Variants in ZSCAN12 observed in about 807,000 individuals in gnomAD.
ZSCAN12 encodes the protein zinc finger and SCAN domain-containing protein 12.
Under a neutral mutation model 23.4 loss-of-function variants are expected in ZSCAN12, and 18 were observed. The ratio of observed to expected loss-of-function variants is 0.77; its 90% CI spans 0.53 to 1.14. The LOEUF (loss-of-function observed/expected upper bound fraction) is 1.14, where lower values mean the gene tolerates loss of function less well. Ranked by LOEUF, ZSCAN12 falls within the 50% of genes most tolerant of loss-of-function variation. The pLI is 0.00. For missense variants in ZSCAN12, 650 were observed against 735.0 expected, an observed-to-expected ratio of 0.88 and a Z score of 1.34; for synonymous variants, 186 against 253.4, an observed-to-expected ratio of 0.73 and a Z score of 2.53.
rs536608358 is a variant in ZSCAN12, at chr6:28,392,795, G to A, written c.547+107C>T. The A allele has an allele frequency of 1.8e-5, 23 of 1,259,008 alleles. No individual in the cohort carries two copies. The African/African-American group carries it at 2.3e-4, about 12-fold the overall frequency. 78.0% of individuals were successfully genotyped at this position (1,259,008 alleles called of 1,614,324 possible). A position where few individuals can be genotyped will look rare whatever the true frequency, so the allele number is the denominator to read the frequency against. On this transcript the variant is annotated intron_variant, in intron 3 of 3. Transcript: ENST00000684592. ...TATATGAGCCATCAGATTCTGAGAC[G>A]GCCTTTTTGACTTTAATGATCAGAA... is the stretch of plus-strand genomic sequence containing the variant.
intron 2 of ZSCAN12, 131 bp downstream of exon 2, chr6:28,397,873 G>A: frequency 8.6e-7 from 1 of 1,169,554 alleles, no homozygotes; most frequent in South Asian, 2.1e-5. Context: ...AACTTTCCGT[G>A]AAACTCATGC....
At chr6:28,393,586 TA>T (rs1391414203) in intron 2 of ZSCAN12, among the ~76,000 whole-genome samples, 1 of 150,668 alleles carries the variant, frequency 6.6e-6, no homozygotes, top group East Asian at 2.0e-4. Context: ...CCAAAAAAAT[TA>T]AAAATGATCT....
In ZSCAN12 at chr6:28,389,885, T is replaced by G. The variant is rs1760727108; in HGVS notation, c.*569A>C. ...GATGAAATTATTCACACTCTGGCCC[T>G]CTTATGTGTCTGTCCCCAAGCTGTT... is the stretch of plus-strand genomic sequence containing the variant. On this transcript the variant is annotated 3_prime_UTR_variant, in exon 4 of 4. Transcript: ENST00000684592. Among the ~76,000 whole-genome samples, 1 of 152,216 alleles carries G rather than the reference T, an allele frequency of 6.6e-6. No homozygotes were observed. The highest frequency in any genetic ancestry group is 2.1e-4 in the South Asian group (1 of 4,836).
intron 2 of ZSCAN12, among the ~76,000 whole-genome samples, chr6:28,396,025 T>G (rs1761090779): frequency 6.6e-6 from 1 of 151,530 alleles, no homozygotes; most frequent in Non-Finnish European, 1.5e-5. Flanking sequence ...GTTGATTTTT[T>G]TTTTTTTTTT....
Position 28,388,024 on chromosome 6 carries a change from G to C in ZSCAN12, c.*2430C>G, listed in dbSNP as rs1449250605. On this transcript the variant is annotated 3_prime_UTR_variant, in exon 4 of 4. Transcript: ENST00000684592. The stretch of plus-strand genomic sequence containing the variant: ...TTTGGCTTTGGAGCCGCAAGCAGCT[G>C]AACCTTGGTTTGGTTACAAGTTTGC... 1.3e-5 allele frequency among the ~76,000 whole-genome samples: 2 copies of C among 152,172 alleles called. No individual in the cohort carries two copies. Among genetic ancestry groups the C allele is most frequent in the Non-Finnish European group, 2.9e-5 (2 of 68,040 alleles).
rs1401224338 is a variant in ZSCAN12, at chr6:28,391,082, T to C, written c.1208A>G (p.Gln403Arg). Residue 403 changes from glutamine to arginine, a missense_variant, in exon 4 of 4, where the codon CAG becomes CGG. Gln to Arg is a conservative substitution (Grantham distance 43). Coordinates refer to ENST00000684592, the MANE Select transcript of ZSCAN12 (RefSeq NM_001163391.2). The surrounding 1 kb of genome is among the most constrained non-coding windows in gnomAD (Gnocchi z 4.1). ...GGCGCCGGTATGAACTCCTTGATGCTGAGTAAGTATGGAACGCCGACTAAA... is the reference window on the plus strand; with the variant it reads ...GGCGCCGGTATGAACTCCTTGATGCCGAGTAAGTATGGAACGCCGACTAAA... ...KSFSRRSILT[Q>R]HQGVHTGAKP... The C allele has an allele frequency of 1.3e-6, 2 of 1,552,572 alleles. No homozygotes were observed. The highest frequency in any genetic ancestry group is 1.7e-6 in the Non-Finnish European group (2 of 1,147,350).
chr6:28,382,958 G>A (rs1300912760), downstream of ZSCAN12, among the ~76,000 whole-genome samples: 1 of 95,002 alleles, frequency 1.1e-5, no homozygotes, highest in African/African-American at 5.8e-5. Context: ...CTGTATAAAC[G>A]GCAGAGATAA....
Position 28,390,383 on chromosome 6 carries a change from C to A in ZSCAN12, c.*71G>T. 7.7e-7 allele frequency: 1 copy of A among 1,296,890 alleles called. No homozygotes were observed. Among genetic ancestry groups the A allele is most frequent in the Non-Finnish European group, 1.0e-6 (1 of 964,032 alleles). The allele number at this position is 1,296,890 out of a possible 1,614,324, so 80.3% of individuals were successfully genotyped here. ...TATAACAATGGTGACTGAAGTTTTG[C>A]CCCAATAATTGTAAAGCTAAATAGT... On this transcript the variant is annotated 3_prime_UTR_variant, in exon 4 of 4. Coordinates refer to ENST00000684592, the MANE Select transcript of ZSCAN12 (RefSeq NM_001163391.2).
chr6:28,390,476 C>T lies in ZSCAN12; in HGVS notation c.1814G>A (p.Gly605Glu), dbSNP rs1340644666. 7 of 1,544,094 alleles carry T rather than the reference C, an allele frequency of 4.5e-6. No individual in the cohort carries two copies. The African/African-American group carries it at 5.5e-5, about 12-fold the overall frequency. Residue 605 changes from glycine to glutamate, a missense_variant, in exon 4 of 4, where the codon GGA becomes GAA. Coordinates refer to ENST00000684592, the MANE Select transcript of ZSCAN12 (RefSeq NM_001163391.2). Reference protein sequence around the residue: ...ALTQHQTIHKGEKSVSV With the variant: ...ALTQHQTIHKEEKSVSV ...TCATCACACAGAAACAGATTTTTCT[C>T]CTTTGTGGATAGTCTGATGTTGAGT...
intron 3 of ZSCAN12, 89 bp downstream of exon 3, chr6:28,392,813 G>A (rs939963908): frequency 7.1e-7 from 1 of 1,417,560 alleles, no homozygotes; most frequent in Admixed American, 2.4e-5. Context: ...TGACTTTAAT[G>A]ATCAGAAACA....
At chr6:28,379,495 G>A (rs1241747655) in exon 5 of ZSCAN12, 1 of 152,270 alleles carries the variant, frequency 6.6e-6, no homozygotes, top group Non-Finnish European at 1.5e-5. Context: ...AGCTACTCGG[G>A]AGACTGAGAC....
chr6:28,391,605 G>C lies in ZSCAN12; in HGVS notation c.685C>G (p.Pro229Ala), dbSNP rs184616997. Residue 229 changes from proline to alanine, a missense_variant, in exon 4 of 4, where the codon CCT becomes GCT. Physicochemically the swap from Pro to Ala is conservative, Grantham distance 27. Transcript: ENST00000684592. The surrounding 1 kb of genome is among the most constrained non-coding windows in gnomAD (Gnocchi z 4.1). ...GAGGGCTCTTCTGTTATTTCTTCAGGTTCACGAGTTTCTCCACACCTAGCA... is the reference window on the plus strand; with the variant it reads ...GAGGGCTCTTCTGTTATTTCTTCAGCTTCACGAGTTTCTCCACACCTAGCA... ...KSARCGETRE[P>A]EEITEEPSAC... 67 of 1,552,198 alleles carry C rather than the reference G, an allele frequency of 4.3e-5. No homozygotes were observed. The Admixed American group carries it at 8.4e-4, about 20-fold the overall frequency.
At position 28,391,534 on chromosome 6, in the gene ZSCAN12, T is replaced by C; in HGVS notation, c.756A>G (p.Gly252=). The C allele has an allele frequency of 6.4e-7, 1 of 1,552,156 alleles. No individual in the cohort carries two copies. The highest frequency in any genetic ancestry group is 2.4e-5 in the East Asian group (1 of 40,912). Residue 252 remains glycine, a synonymous_variant, in exon 4 of 4, where the codon GGA becomes GGG. Coordinates refer to ENST00000684592, the MANE Select transcript of ZSCAN12 (RefSeq NM_001163391.2). The surrounding 1 kb of genome is among the most constrained non-coding windows in gnomAD (Gnocchi z 4.1). ...EDKQPTCDEN[G]VSLTENSDHT... The stretch of plus-strand genomic sequence containing the variant: ...GGTCAGAGTTCTCAGTCAGGCTTAC[T>C]CCATTTTCATCACAGGTAGGTTGTT...
chr6:28,397,318 GT>G (rs748147444), intron 2 of ZSCAN12, among the ~76,000 whole-genome samples: 4 of 146,808 alleles, frequency 2.7e-5, no homozygotes, highest in Non-Finnish European at 4.5e-5. Context: ...AAACAAAAAC[GT>G]TCTACATAAT....
Position 28,398,330 on chromosome 6 carries a change from A to G in ZSCAN12, c.76T>C (p.Tyr26His). 1 of 1,558,286 alleles carries G rather than the reference A, an allele frequency of 6.4e-7. No individual in the cohort carries two copies. Among genetic ancestry groups the G allele is most frequent in the South Asian group, 1.2e-5 (1 of 84,908 alleles). ...AGGTCCCAATCCTGTCTGGTGGTATATTTCTCTTCCTCTATCTTTACTTCC... is the reference window on the plus strand; with the variant it reads ...AGGTCCCAATCCTGTCTGGTGGTATGTTTCTCTTCCTCTATCTTTACTTCC... ...PLEVKIEEEK[Y>H]TTRQDWDLRK... The change falls in exon 2 of 4, where the codon TAT (tyrosine) becomes CAT (histidine). Residue 26 changes from tyrosine (Y) to histidine (H), a missense_variant. By Grantham distance (83) the Tyr-to-His change is moderately conservative. Transcript: ENST00000684592.
chr6:28,382,675 C>A, downstream of ZSCAN12: 1 of 1,520,378 alleles, frequency 6.6e-7, no homozygotes, highest in South Asian at 1.3e-5. Flanking sequence ...CAAGAACTCA[C>A]TTATCTGAAC....
Position 28,388,653 on chromosome 6 carries a change from G to C in ZSCAN12, c.*1801C>G, listed in dbSNP as rs1207110853. Among the ~76,000 whole-genome samples, 1 of 152,020 alleles carries C rather than the reference G, an allele frequency of 6.6e-6. No individual in the cohort carries two copies. Among genetic ancestry groups the C allele is most frequent in the Admixed American group, 6.6e-5 (1 of 15,266 alleles). On this transcript the variant is annotated 3_prime_UTR_variant, in exon 4 of 4. Coordinates refer to ENST00000684592, the MANE Select transcript of ZSCAN12 (RefSeq NM_001163391.2). ...ATTAGGAGTGGGACTTACTAAGGAAGAATGCAGATTACCCTTCTTTTATTT... is the reference window on the plus strand; with the variant it reads ...ATTAGGAGTGGGACTTACTAAGGAACAATGCAGATTACCCTTCTTTTATTT...
At chr6:28,393,073 G>C in intron 2 of ZSCAN12, 27 bp from the exon 3 acceptor site, 1 of 1,549,202 alleles carries the variant, frequency 6.5e-7, no homozygotes, top group Non-Finnish European at 8.7e-7. Flanking sequence ...GTAGCTGACA[G>C]ACTCACTCTG....
rs1760582686 is a variant in ZSCAN12 at position 28,387,020 on chromosome 6, G to C, written c.*3434C>G. On this transcript the variant is annotated 3_prime_UTR_variant, in exon 4 of 4. Coordinates refer to ENST00000684592, the MANE Select transcript of ZSCAN12 (RefSeq NM_001163391.2). ...TTTTTGTATTTTTAGTGGAGATGGG[G>C]TTTCACCACATTGTCAAGATGGTCT... is the stretch of plus-strand genomic sequence containing the variant. Among the ~76,000 whole-genome samples, 1 of 152,090 alleles carries C rather than the reference G, an allele frequency of 6.6e-6. No individual in the cohort carries two copies.
Sources: gnomAD v4.1 joint callset for allele counts (sites outside exome capture counted in the v4.1 genomes callset) on GRCh38, gnomAD v4.1.1 for gene constraint, Gnocchi (gnomAD v3.1) non-coding constraint, MANE v1.5 for transcripts, NCBI Gene and HGNC (gene_info 2026-07-23, HGNC 2026-07-21) for gene names.